RAD51B: variants seen among roughly 807,000 people sequenced by gnomAD.
RAD51B encodes the protein RAD51 paralog B.
In RAD51B, 38 loss-of-function variants were observed where a neutral mutation model predicts 42.2. The observed-to-expected ratio is 0.90, with a 90% CI of 0.70 to 1.18. The LOEUF is 1.18. RAD51B is among the 50% of genes most tolerant of loss of function. The pLI, the probability that RAD51B is intolerant of heterozygous loss-of-function variation, is 0.00. For synonymous variants in RAD51B, 154 were observed against 145.2 expected (o/e 1.06, Z -0.43); for missense variants, 373 against 400.7 (o/e 0.93, Z 0.59).
At chr14:67,861,658 G>A (rs912506905) in intron 4 of RAD51B, among the ~76,000 whole-genome samples, 8 of 149,712 alleles carry the variant, frequency 5.3e-5, no homozygotes, top group Non-Finnish European at 1.0e-4. Context: ...ACCCTTTTTT[G>A]TATGACAAGT....
chr14:67,925,395 C>T (rs1213423241), intron 7 of RAD51B, among the ~76,000 whole-genome samples: 1 of 152,156 alleles, frequency 6.6e-6, no homozygotes, highest in Non-Finnish European at 1.5e-5. Context: ...GCCTCAGCCT[C>T]CCGAGTAGCC....
intron 7 of RAD51B, among the ~76,000 whole-genome samples, chr14:68,006,383 T>C (rs947043726): frequency 2.6e-5 from 4 of 152,212 alleles, no homozygotes; most frequent in Admixed American, 6.5e-5. Context: ...TTAATAACAT[T>C]TTTCCAGAAA....
At chr14:68,261,097 G>T (rs2080878999) in intron 7 of RAD51B, among the ~76,000 whole-genome samples, 1 of 152,160 alleles carries the variant, frequency 6.6e-6, no homozygotes, top group Admixed American at 6.5e-5. Flanking sequence ...AGGGCAATTG[G>T]TCACGAAGAC....
chr14:68,419,740 C>T (rs888749132), intron 9 of RAD51B, among the ~76,000 whole-genome samples: 3 of 152,132 alleles, frequency 2.0e-5, no homozygotes, highest in Non-Finnish European at 2.9e-5. Context: ...TCTGATCTTG[C>T]GAGCATGGGA....
At chr14:68,518,559 C>CT (rs911440672) in intron 10 of RAD51B, among the ~76,000 whole-genome samples, 1 of 150,818 alleles carries the variant, frequency 6.6e-6, no homozygotes, top group Admixed American at 6.6e-5. Context: ...TATGAGCCCC[C>CT]CCCCCAGGCC....
At chr14:68,529,393 TC>T (rs1887135748) in intron 10 of RAD51B, among the ~76,000 whole-genome samples, 1 of 152,230 alleles carries the variant, frequency 6.6e-6, no homozygotes, top group Admixed American at 6.5e-5. Context: ...AGACAGGGTT[TC>T]GCCATGTTGG....
chr14:68,387,199 A>T (rs1231895958), intron 8 of RAD51B: 1 of 152,238 alleles, frequency 6.6e-6, no homozygotes, highest in African/African-American at 2.4e-5. Context: ...ATGTTGGCTG[A>T]TAGAAAGGCT....
At chr14:68,569,371 A>G (rs564051131) in intron 10 of RAD51B, among the ~76,000 whole-genome samples, 41 of 152,324 alleles carry the variant, frequency 2.7e-4, no homozygotes, top group Non-Finnish European at 3.5e-4. Context: ...CAGCAGCAGC[A>G]AACTGAGGGG....
chr14:67,914,956 A>C (rs2044102337), intron 7 of RAD51B, among the ~76,000 whole-genome samples: 1 of 152,170 alleles, frequency 6.6e-6, no homozygotes, highest in Non-Finnish European at 1.5e-5. Context: ...AGTGTGGAGG[A>C]ATAGTTTTCC....
intron 10 of RAD51B, chr14:68,540,594 C>T: frequency 2.0e-6 from 2 of 985,328 alleles, no homozygotes; most frequent in African/African-American, 1.7e-5. Context: ...AGGTGCTGTG[C>T]AAGTATATAA....
chr14:68,181,547 G>A (rs1279271880), intron 7 of RAD51B, among the ~76,000 whole-genome samples: 1 of 152,170 alleles, frequency 6.6e-6, no homozygotes, highest in Non-Finnish European at 1.5e-5. Context: ...GTTAAAGCCG[G>A]ACTTGTTCCT....
chr14:68,170,758 A>G (rs1312173602), intron 7 of RAD51B, among the ~76,000 whole-genome samples: 1 of 152,252 alleles, frequency 6.6e-6, no homozygotes, highest in Non-Finnish European at 1.5e-5. Context: ...TATGAATTCT[A>G]TAACCATTCT....
chr14:68,087,968 TA>T, intron 7 of RAD51B, among the ~76,000 whole-genome samples: 1 of 128,326 alleles, frequency 7.8e-6, no homozygotes, highest in Non-Finnish European at 1.6e-5. Flanking sequence ...TATAATTTAT[TA>T]TTATATATAA....
chr14:67,869,487 A>G (rs2042446468), intron 5 of RAD51B, among the ~76,000 whole-genome samples: 1 of 152,208 alleles, frequency 6.6e-6, no homozygotes, highest in Admixed American at 6.5e-5. Flanking sequence ...GACGGGGAGA[A>G]TGGAACCAAG....
Position 67,864,999 on chromosome 14 carries a change from T to TG in RAD51B, c.316-4_316-3insG, listed in dbSNP as rs2042287323. ...TTTTTTTTTTTTTTTTTTTTTTTTT[T>TG]TAGATTACAGGTCCACCAGGTTGTG... On this transcript the variant is annotated splice_region_variant and splice_polypyrimidine_tract_variant and intron_variant, in intron 4 of 10. Coordinates refer to ENST00000471583, the MANE Select transcript of RAD51B (RefSeq NM_133510.4). 2 of 1,257,182 alleles carry TG rather than the reference T, an allele frequency of 1.6e-6. No homozygotes were observed. The highest frequency in any genetic ancestry group is 2.4e-5 in the African/African-American group (1 of 42,150). 77.9% of individuals were successfully genotyped at this position (1,257,182 alleles called of 1,614,324 possible). A position where few individuals can be genotyped will look rare whatever the true frequency, so the allele number is the denominator to read the frequency against.
intron 7 of RAD51B, among the ~76,000 whole-genome samples, chr14:68,156,685 ATGTT>A (rs1333848187): frequency 1.3e-5 from 2 of 152,150 alleles, no homozygotes; most frequent in Admixed American, 6.5e-5. Context: ...AAAAGATAAA[ATGTT>A]TGAACTATAA....
intron 10 of RAD51B, among the ~76,000 whole-genome samples, chr14:68,507,893 G>A (rs763565810): frequency 6.6e-6 from 1 of 152,178 alleles, no homozygotes; most frequent in Non-Finnish European, 1.5e-5. Context: ...GGGTTCCATG[G>A]AGCAGAGAGC....
chr14:68,391,278 G>A lies in RAD51B; in HGVS notation c.854-20146G>A, dbSNP rs148523588. ...GCTTTTTAAATTCAGTTTCATTTGT[G>A]TTGTCACATATATATCAGTTGTTGA... On this transcript the variant is annotated intron_variant, in intron 8 of 10. Coordinates refer to ENST00000471583, the MANE Select transcript of RAD51B (RefSeq NM_133510.4). 3.4e-3 allele frequency among the ~76,000 whole-genome samples: 518 copies of A among 150,926 alleles called. 1 individual carries two copies. Among genetic ancestry groups the A allele is most frequent in the African/African-American group, 0.012 (487 of 41,050 alleles).
intron 7 of RAD51B, among the ~76,000 whole-genome samples, chr14:68,248,757 A>G (rs1322627906): frequency 2.0e-5 from 3 of 152,232 alleles, no homozygotes; most frequent in African/African-American, 7.2e-5. Context: ...TATGCTTCCA[A>G]GATACTGTCT....
Sources: gnomAD v4.1 joint callset for allele counts (sites outside exome capture counted in the v4.1 genomes callset) on GRCh38, gnomAD v4.1.1 for gene constraint, MANE v1.5 for transcripts, NCBI Gene and HGNC (gene_info 2026-07-23, HGNC 2026-07-21) for gene names.